Variants in NRG1 observed in about 807,000 individuals in gnomAD.
NRG1 encodes pro-neuregulin-1, membrane-bound isoform.
Under a neutral mutation model 63.8 loss-of-function variants are expected in NRG1, and 18 were observed. That is an observed-to-expected ratio of 0.28 (90% CI 0.19 to 0.42). NRG1 has a LOEUF of 0.42. Ranked by LOEUF, NRG1 falls within the 10% of genes least tolerant of loss-of-function variation. The pLI, the probability that NRG1 is intolerant of heterozygous loss-of-function variation, is 1.00. For missense variants in NRG1, 762 were observed against 814.7 expected (o/e 0.94, Z 0.79); for synonymous variants, 302 against 301.3 (o/e 1.00, Z -0.02).
At chr8:31,714,405 G>A (rs537642259) in intron 1 of NRG1, among the ~76,000 whole-genome samples, 1 of 152,002 alleles carries the variant, frequency 6.6e-6, no homozygotes, top group African/African-American at 2.4e-5. Context: ...ATTAGCCAGG[G>A]TTTAGAATGG....
chr8:31,998,349 T>G (rs1324137572), intron 1 of NRG1, among the ~76,000 whole-genome samples: 1 of 152,064 alleles, frequency 6.6e-6, no homozygotes, highest in African/African-American at 2.4e-5. Context: ...CTGAATAATA[T>G]TCACATGAAG....
intron 1 of NRG1, among the ~76,000 whole-genome samples, chr8:32,048,058 C>T (rs1346866432): frequency 6.6e-6 from 1 of 151,858 alleles, no homozygotes; most frequent in African/African-American, 2.4e-5. Flanking sequence ...GCTCATCCAT[C>T]TTAATTGCAA....
chr8:31,883,272 T>C (rs1448117267), intron 1 of NRG1, among the ~76,000 whole-genome samples: 1 of 152,120 alleles, frequency 6.6e-6, no homozygotes, highest in Non-Finnish European at 1.5e-5. Context: ...TTAGCAATAA[T>C]GTATTTACAA....
At chr8:32,361,691 G>A (rs1451646571) in intron 1 of NRG1, among the ~76,000 whole-genome samples, 7 of 152,094 alleles carry the variant, frequency 4.6e-5, no homozygotes, top group Admixed American at 2.6e-4. Flanking sequence ...TGGAAACCTT[G>A]AGACAGCTGC....
intron 1 of NRG1, among the ~76,000 whole-genome samples, chr8:32,189,616 G>A (rs1042912226): frequency 6.6e-6 from 1 of 152,050 alleles, no homozygotes; most frequent in Admixed American, 6.6e-5. Flanking sequence ...AAAATGTCTG[G>A]GATAATGCCT....
chr8:32,763,068 C>T, intron 11 of NRG1: 2 of 789,434 alleles, frequency 2.5e-6, no homozygotes, highest in East Asian at 2.6e-5. Flanking sequence ...CTCAGGCTTA[C>T]CTTTGACTGT....
chr8:31,926,531 G>A (rs773065874), intron 1 of NRG1, among the ~76,000 whole-genome samples: 17 of 152,022 alleles, frequency 1.1e-4, no homozygotes, highest in Non-Finnish European at 1.2e-4. Flanking sequence ...TGCTGCCATC[G>A]AAAGAGATTA....
chr8:32,116,570 C>A lies in NRG1; in HGVS notation c.37+477139C>A, dbSNP rs570428286. 3.9e-5 allele frequency among the ~76,000 whole-genome samples: 6 copies of A among 152,244 alleles called. No individual in the cohort carries two copies. The South Asian group carries it at 1.2e-3, about 32-fold the overall frequency. ...GCAAGAGTAAGTGGTTTAATTGGCT[C>A]ACCTTCATTCAACTGTTAGTATGTT... is the stretch of plus-strand genomic sequence containing the variant. On this transcript the variant is annotated intron_variant, in intron 1 of 10. Coordinates refer to the NRG1 transcript ENST00000519301.
intron 1 of NRG1, among the ~76,000 whole-genome samples, chr8:31,683,516 T>C (rs1808554608): frequency 6.6e-6 from 1 of 152,186 alleles, no homozygotes; most frequent in African/African-American, 2.4e-5. Flanking sequence ...TATGGAGTCG[T>C]TAAATAGATT....
At chr8:32,171,693 G>T (rs1332662288) in intron 1 of NRG1, among the ~76,000 whole-genome samples, 1 of 152,170 alleles carries the variant, frequency 6.6e-6, no homozygotes, top group East Asian at 1.9e-4. Flanking sequence ...CACACCAGGA[G>T]ATTATATCCC....
intron 1 of NRG1, among the ~76,000 whole-genome samples, chr8:32,372,384 G>T (rs142655797): frequency 6.6e-6 from 1 of 151,696 alleles, no homozygotes; most frequent in Admixed American, 6.6e-5. Flanking sequence ...TCTGCCCTTC[G>T]TCTGCCTCAC....
intron 1 of NRG1, among the ~76,000 whole-genome samples, chr8:31,987,052 C>A (rs942433544): frequency 6.6e-6 from 1 of 152,008 alleles, no homozygotes; most frequent in Admixed American, 6.6e-5. Flanking sequence ...ATAATCCTAG[C>A]ACCTTGGGAG....
chr8:32,055,672 CTTTT>C (rs59551293), intron 1 of NRG1, among the ~76,000 whole-genome samples: 1 of 137,372 alleles, frequency 7.3e-6, no homozygotes, highest in Admixed American at 7.3e-5. Flanking sequence ...TATTTTGACA[CTTTT>C]TTTTTTTTTT....
At chr8:31,710,634 T>C (rs1019586820) in intron 1 of NRG1, among the ~76,000 whole-genome samples, 1 of 152,072 alleles carries the variant, frequency 6.6e-6, no homozygotes, top group Admixed American at 6.6e-5. Flanking sequence ...TTGTCTAATA[T>C]GAAAAATAAG....
At chr8:32,638,122 C>T (rs1214374323) in intron 5 of NRG1, among the ~76,000 whole-genome samples, 1 of 152,130 alleles carries the variant, frequency 6.6e-6, no homozygotes. Flanking sequence ...ATTCCCAGTC[C>T]TGACTTTGAA....
chr8:32,702,745 G>T (rs1202383622), intron 5 of NRG1, among the ~76,000 whole-genome samples: 1 of 152,138 alleles, frequency 6.6e-6, no homozygotes, highest in Non-Finnish European at 1.5e-5. Context: ...GCCTCCCAAA[G>T]TGCTGGGATT....
chr8:32,118,654 T>C (rs1228534089), intron 1 of NRG1, among the ~76,000 whole-genome samples: 1 of 152,132 alleles, frequency 6.6e-6, no homozygotes, highest in African/African-American at 2.4e-5. Flanking sequence ...TAGCGAGGTA[T>C]TTATTTTGGT....
chr8:31,646,869 C>T (rs1159970647), intron 1 of NRG1, among the ~76,000 whole-genome samples: 1 of 152,230 alleles, frequency 6.6e-6, no homozygotes, highest in Non-Finnish European at 1.5e-5. Context: ...CTCTTCCCAT[C>T]CAGAGCCTTA....
At chr8:31,928,808 T>C (rs1354880412) in intron 1 of NRG1, among the ~76,000 whole-genome samples, 2 of 152,152 alleles carry the variant, frequency 1.3e-5, no homozygotes. Flanking sequence ...TACTTATGAA[T>C]GAGAGCTATA....
Sources: gnomAD v4.1 joint callset for allele counts (sites outside exome capture counted in the v4.1 genomes callset) on GRCh38, gnomAD v4.1.1 for gene constraint, MANE v1.5 for transcripts, NCBI Gene and HGNC (gene_info 2026-07-23, HGNC 2026-07-21) for gene names.